Variants in ACOXL observed in about 807,000 individuals in gnomAD.
ACOXL encodes acyl-CoA oxidase like.
In ACOXL, 70 loss-of-function variants were observed where a neutral mutation model predicts 71.9. The ratio of observed to expected loss-of-function variants is 0.97; its 90% CI spans 0.80 to 1.19. The LOEUF (loss-of-function observed/expected upper bound fraction) is 1.19, where lower values mean the gene tolerates loss of function less well. ACOXL is among the 50% of genes most tolerant of loss of function. The pLI, the probability that ACOXL is intolerant of heterozygous loss-of-function variation, is 0.00. For missense variants in ACOXL, 703 were observed against 736.3 expected, an observed-to-expected ratio of 0.95 and a Z score of 0.52; for synonymous variants, 253 against 281.6, an observed-to-expected ratio of 0.90 and a Z score of 1.02.
At chr2:110,915,540 C>T (rs566218510) in intron 11 of ACOXL, among the ~76,000 whole-genome samples, 1 of 150,808 alleles carries the variant, frequency 6.6e-6, no homozygotes, top group South Asian at 2.1e-4. Flanking sequence ...TCTCCTGCTT[C>T]AGCCTCCTGA....
intron 1 of ACOXL, among the ~76,000 whole-genome samples, chr2:110,754,132 G>A (rs1679366716): frequency 6.7e-6 from 1 of 150,258 alleles, no homozygotes; most frequent in Non-Finnish European, 1.5e-5. Flanking sequence ...GAGTGCAGTG[G>A]CATGATCTTG....
chr2:110,904,795 G>T (rs988023998), intron 10 of ACOXL, among the ~76,000 whole-genome samples: 3 of 152,170 alleles, frequency 2.0e-5, no homozygotes, highest in African/African-American at 7.2e-5. Flanking sequence ...TTTAAGACTG[G>T]CTAGTATGGA....
chr2:111,113,751 C>T (rs2070151601), intron 17 of ACOXL, among the ~76,000 whole-genome samples: 1 of 152,216 alleles, frequency 6.6e-6, no homozygotes, highest in South Asian at 2.1e-4. Context: ...ACAAGTAGCA[C>T]AGAACCTCAT....
intron 17 of ACOXL, among the ~76,000 whole-genome samples, chr2:111,115,275 A>G (rs1027313989): frequency 2.6e-5 from 4 of 152,222 alleles, no homozygotes; most frequent in African/African-American, 9.6e-5. Flanking sequence ...ACAAAACTAA[A>G]CTTTAATAAT....
intron 14 of ACOXL, among the ~76,000 whole-genome samples, chr2:111,010,252 G>T (rs930268180): frequency 6.6e-6 from 1 of 152,092 alleles, no homozygotes; most frequent in Non-Finnish European, 1.5e-5. Context: ...AATTTCAGGA[G>T]ATTGTTGAAC....
At chr2:110,831,607 G>T (rs1191805057) in intron 9 of ACOXL, among the ~76,000 whole-genome samples, 1 of 152,154 alleles carries the variant, frequency 6.6e-6, no homozygotes, top group African/African-American at 2.4e-5. Context: ...ATTTATATGG[G>T]AGGGCAAAAG....
intron 10 of ACOXL, among the ~76,000 whole-genome samples, chr2:110,847,861 G>A (rs539402874): frequency 4.6e-5 from 7 of 152,218 alleles, no homozygotes; most frequent in Non-Finnish European, 7.3e-5. Context: ...GTACAGACCC[G>A]GGGTGATTAA....
At chr2:110,762,698 C>G (rs1680559241) in intron 1 of ACOXL, among the ~76,000 whole-genome samples, 1 of 152,150 alleles carries the variant, frequency 6.6e-6, no homozygotes, top group African/African-American at 2.4e-5. Context: ...CTCTGTCACC[C>G]AGGCTGGAGT....
At position 110,764,743 on chromosome 2, in the gene ACOXL, G is replaced by A. The variant is rs186694312; in HGVS notation, c.-22-3625G>A. 1.3e-3 allele frequency among the ~76,000 whole-genome samples: 194 copies of A among 152,250 alleles called. 3 individuals are homozygous for A. The highest frequency in any genetic ancestry group is 4.0e-3 in the African/African-American group (167 of 41,532). On this transcript the variant is annotated intron_variant, in intron 1 of 17. Transcript: ENST00000439055. ...ATAGTGAGGGAGGCTATACACATGT[G>A]GGGGCAGGAACTATATGGGAAATCT... is the stretch of plus-strand genomic sequence containing the variant.
chr2:111,055,846 G>A (rs899585310), intron 16 of ACOXL, among the ~76,000 whole-genome samples: 1 of 152,070 alleles, frequency 6.6e-6, no homozygotes, highest in Non-Finnish European at 1.5e-5. Context: ...GGCAGATAAA[G>A]AGTTGTGGGT....
At chr2:110,767,274 A>G (rs1211485983) in intron 1 of ACOXL, among the ~76,000 whole-genome samples, 1 of 152,200 alleles carries the variant, frequency 6.6e-6, no homozygotes, top group Non-Finnish European at 1.5e-5. Flanking sequence ...GTGGGCACCA[A>G]GGTGGGGCTA....
At chr2:110,937,781 A>G (rs1396015059) in intron 12 of ACOXL, among the ~76,000 whole-genome samples, 1 of 152,218 alleles carries the variant, frequency 6.6e-6, no homozygotes, top group African/African-American at 2.4e-5. Flanking sequence ...CTGCCTTTGA[A>G]GCCAGTAATC....
Position 110,958,756 on chromosome 2 carries a change from C to T in ACOXL, c.1059+25114C>T, listed in dbSNP as rs549530377. On this transcript the variant is annotated intron_variant, in intron 12 of 17. Transcript: ENST00000439055. ...CAATTTCCCCAGAATACTTTGGACT[C>T]CCCTGGACAATGCCACAGAGGACCC... Among the ~76,000 whole-genome samples, 5 of 152,304 alleles carry T rather than the reference C, an allele frequency of 3.3e-5. No homozygotes were observed. The South Asian group carries it at 8.3e-4, about 25-fold the overall frequency.
intron 14 of ACOXL, among the ~76,000 whole-genome samples, chr2:111,021,843 A>T (rs943573727): frequency 1.1e-4 from 16 of 152,046 alleles, no homozygotes; most frequent in Non-Finnish European, 1.5e-5. Flanking sequence ...TAAAAACGAG[A>T]TCTGTTTCTG....
chr2:110,941,307 G>A (rs1320929629), intron 12 of ACOXL, among the ~76,000 whole-genome samples: 2 of 152,160 alleles, frequency 1.3e-5, no homozygotes, highest in African/African-American at 2.4e-5. Flanking sequence ...TCAAGATGCA[G>A]CAACAGGCAG....
intron 2 of ACOXL, among the ~76,000 whole-genome samples, chr2:110,783,376 AT>A: frequency 6.6e-6 from 1 of 152,286 alleles, no homozygotes; most frequent in East Asian, 1.9e-4. Context: ...GCCTGGAGAT[AT>A]TTTAGGAAAT....
At chr2:111,044,429 T>C (rs938359101) in intron 15 of ACOXL, among the ~76,000 whole-genome samples, 3 of 152,164 alleles carry the variant, frequency 2.0e-5, no homozygotes, top group African/African-American at 7.2e-5. Context: ...CATAGCCCCA[T>C]GGGCAGGGCC....
chr2:110,844,017 C>T (rs770430805), intron 10 of ACOXL, among the ~76,000 whole-genome samples: 12 of 152,178 alleles, frequency 7.9e-5, no homozygotes, highest in African/African-American at 1.4e-4. Flanking sequence ...CCAGTGAAGC[C>T]GGTATTCACA....
At chr2:110,968,442 T>C (rs1293660585) in intron 12 of ACOXL, 3 of 1,181,884 alleles carry the variant, frequency 2.5e-6, no homozygotes, top group African/African-American at 3.0e-5. Flanking sequence ...CGGGCCAGAA[T>C]GTTGCAGATT....
Sources: gnomAD v4.1 joint callset for allele counts (sites outside exome capture counted in the v4.1 genomes callset) on GRCh38, gnomAD v4.1.1 for gene constraint, MANE v1.5 for transcripts, NCBI Gene and HGNC (gene_info 2026-07-23, HGNC 2026-07-21) for gene names.